The following GSG1L variants were observed in gnomAD, a reference collection of about 807,000 sequenced individuals.
GSG1L encodes the protein GSG1 like, also known as germ cell-specific gene 1-like protein.
A neutral mutation model predicts 42.1 loss-of-function variants in GSG1L; 24 were observed. The ratio of observed to expected loss-of-function variants is 0.57; its 90% CI spans 0.41 to 0.80. The LOEUF is 0.80. GSG1L is among the 30% of genes least tolerant of loss of function. GSG1L has a pLI of 0.00. For synonymous variants in GSG1L, 215 were observed against 203.5 expected (o/e 1.06, Z -0.48); for missense variants, 445 against 472.2 (o/e 0.94, Z 0.53).
intron 1 of GSG1L, among the ~76,000 whole-genome samples, chr16:27,975,991 C>T (rs929197425): frequency 3.0e-4 from 45 of 152,320 alleles, no homozygotes; most frequent in African/African-American, 1.1e-3. Context: ...AACACCCAGA[C>T]AGGCCAGGCG....
intron 1 of GSG1L, among the ~76,000 whole-genome samples, chr16:28,055,500 C>A (rs1315973982): frequency 6.6e-6 from 1 of 150,976 alleles, no homozygotes; most frequent in Non-Finnish European, 1.5e-5. Flanking sequence ...AAGACGGAGT[C>A]TTGCTCTGTC....
chr16:27,950,466 T>C (rs1410404758), intron 2 of GSG1L, among the ~76,000 whole-genome samples: 1 of 152,092 alleles, frequency 6.6e-6, no homozygotes, highest in Non-Finnish European at 1.5e-5. Context: ...TCACCTTTAA[T>C]AAGAGCACAT....
chr16:27,840,771 G>A (rs1204426916), intron 4 of GSG1L, among the ~76,000 whole-genome samples: 3 of 152,182 alleles, frequency 2.0e-5, no homozygotes, highest in African/African-American at 7.2e-5. Context: ...TGGGTCTCCT[G>A]GAACACTCAC....
intron 1 of GSG1L, among the ~76,000 whole-genome samples, chr16:27,979,192 T>C (rs986254301): frequency 6.6e-6 from 1 of 152,088 alleles, no homozygotes; most frequent in Admixed American, 6.6e-5. Context: ...CTCATGCTTG[T>C]AGTCCCAGCT....
intron 3 of GSG1L, among the ~76,000 whole-genome samples, chr16:27,874,193 C>T (rs1477093873): frequency 6.6e-6 from 1 of 152,088 alleles, no homozygotes; most frequent in Non-Finnish European, 1.5e-5. Context: ...ATTCATGAGG[C>T]TCTTGAATCA....
intron 5 of GSG1L, among the ~76,000 whole-genome samples, chr16:27,810,453 G>A (rs1243927390): frequency 6.6e-6 from 1 of 152,156 alleles, no homozygotes; most frequent in Non-Finnish European, 1.5e-5. Flanking sequence ...CTGGGTAACA[G>A]AGTGATACCC....
intron 2 of GSG1L, among the ~76,000 whole-genome samples, chr16:27,956,022 T>C (rs2085001215): frequency 6.6e-6 from 1 of 152,150 alleles, no homozygotes; most frequent in East Asian, 1.9e-4. Context: ...CCAGTTGTCT[T>C]TGAAGACATT....
intron 1 of GSG1L, among the ~76,000 whole-genome samples, chr16:28,006,263 AC>A (rs2085637071): frequency 6.6e-6 from 1 of 152,088 alleles, no homozygotes; most frequent in African/African-American, 2.4e-5. Context: ...AGCCTCCGGA[AC>A]AAGGCACAGC....
intron 3 of GSG1L, among the ~76,000 whole-genome samples, chr16:27,870,724 G>T (rs2083809626): frequency 6.6e-6 from 1 of 151,480 alleles, no homozygotes; most frequent in Non-Finnish European, 1.5e-5. Flanking sequence ...TGACTCCCCT[G>T]TTTCCCCATC....
intron 4 of GSG1L, among the ~76,000 whole-genome samples, chr16:27,833,541 C>A (rs1374540412): frequency 1.3e-5 from 2 of 152,006 alleles, no homozygotes; most frequent in African/African-American, 4.8e-5. Context: ...AATTTGATGT[C>A]TTCTCTATAT....
chr16:27,821,762 T>G (rs1645339), intron 5 of GSG1L, among the ~76,000 whole-genome samples: 93,553 of 151,598 alleles, frequency 0.62, 29,896 homozygotes, highest in African/African-American at 0.78. Flanking sequence ...AAATTAGCTG[T>G]GCGTGGTGGC....
chr16:27,947,392 GAAAGAAAGAA>G (rs2084887355), intron 2 of GSG1L, among the ~76,000 whole-genome samples: 1 of 86,832 alleles, frequency 1.2e-5, no homozygotes, highest in African/African-American at 4.6e-5. Context: ...GAAAAAGAAA[GAAAGAAAGAA>G]AGAAAGAAAG....
In GSG1L at chr16:27,948,839, G is replaced by C. The variant is rs183441629; in HGVS notation, c.397+14317C>G. On this transcript the variant is annotated intron_variant, in intron 2 of 6. Transcript: ENST00000447459. ...TTAGCCAGGATGGTCTCAATCTCCTGACCTCGTGATCCGCCTGCCTCGGCC... is the reference window on the plus strand; with the variant it reads ...TTAGCCAGGATGGTCTCAATCTCCTCACCTCGTGATCCGCCTGCCTCGGCC... Among the ~76,000 whole-genome samples, 17 of 150,890 alleles carry C rather than the reference G, an allele frequency of 1.1e-4. No homozygotes were observed. In the East Asian group the frequency reaches 2.9e-3, roughly 26 times the overall value.
chr16:27,951,826 C>T (rs2084953359), intron 2 of GSG1L, among the ~76,000 whole-genome samples: 1 of 152,160 alleles, frequency 6.6e-6, no homozygotes, highest in African/African-American at 2.4e-5. Flanking sequence ...AAATCGATTT[C>T]AGGCGGAGAA....
intron 6 of GSG1L, among the ~76,000 whole-genome samples, chr16:27,792,633 A>T (rs2082768125): frequency 6.6e-6 from 1 of 152,006 alleles, no homozygotes; most frequent in Non-Finnish European, 1.5e-5. Context: ...GCACTCAGGG[A>T]TCTCCCTCAT....
intron 2 of GSG1L, among the ~76,000 whole-genome samples, chr16:27,950,390 C>A (rs1162007016): frequency 2.0e-5 from 3 of 152,114 alleles, no homozygotes; most frequent in Non-Finnish European, 4.4e-5. Context: ...GGAATTAGAG[C>A]AACTAAAGCA....
chr16:27,974,769 G>A (rs561624513), intron 1 of GSG1L, among the ~76,000 whole-genome samples: 16 of 152,316 alleles, frequency 1.1e-4, no homozygotes, highest in Admixed American at 6.5e-4. Flanking sequence ...GTGGGGACTG[G>A]GTGACCGTGA....
At chr16:27,800,055 T>C (rs719956) in intron 6 of GSG1L, among the ~76,000 whole-genome samples, 75,050 of 151,854 alleles carry the variant, frequency 0.49, 18,827 homozygotes, top group Admixed American at 0.56. Context: ...TTTAACGAGC[T>C]CTCCATGTGT....
At chr16:27,960,762 A>G (rs1160596753) in intron 2 of GSG1L, among the ~76,000 whole-genome samples, 6 of 152,166 alleles carry the variant, frequency 3.9e-5, no homozygotes. Flanking sequence ...GCCAACCTCA[A>G]GCGAGAGCTA....
Sources: gnomAD v4.1 joint callset for allele counts (sites outside exome capture counted in the v4.1 genomes callset) on GRCh38, gnomAD v4.1.1 for gene constraint, MANE v1.5 for transcripts, NCBI Gene and HGNC (gene_info 2026-07-23, HGNC 2026-07-21) for gene names.